Variants in SASH1 observed in about 807,000 individuals in gnomAD.
SASH1 encodes SAM and SH3 domain containing 1.
In SASH1, 44 loss-of-function variants were observed where a neutral mutation model predicts 125.2. That is an observed-to-expected ratio of 0.35 (90% CI 0.28 to 0.45). The LOEUF (loss-of-function observed/expected upper bound fraction) is 0.45, where lower values mean the gene tolerates loss of function less well. Among genes scored for constraint, SASH1 ranks in the 20% least tolerant of loss-of-function variants. The pLI is 1.00. For synonymous variants in SASH1, 639 were observed against 649.1 expected, an observed-to-expected ratio of 0.98 and a Z score of 0.24; for missense variants, 1,426 against 1,614.5, an observed-to-expected ratio of 0.88 and a Z score of 2.00.
In SASH1 at chr6:148,471,665, G is replaced by A. The variant is rs185195171; in HGVS notation, c.514+162G>A. ...ATTTCTGTTATTACTTTAAGACTTT[G>A]TTCCAGTGATTTTCTTTTGTTTTAA... On this transcript the variant is annotated intron_variant, in intron 6 of 19. Transcript: ENST00000367467. Among the ~76,000 whole-genome samples, 325 of 152,164 alleles carry A rather than the reference G, an allele frequency of 2.1e-3. 3 individuals are homozygous for A. The highest frequency in any genetic ancestry group is 7.0e-3 in the African/African-American group (290 of 41,528).
chr6:148,421,177 G>GAAAGAAAA (rs1562396572), intron 2 of SASH1, among the ~76,000 whole-genome samples: 109 of 144,120 alleles, frequency 7.6e-4, no homozygotes, highest in African/African-American at 2.6e-3. Context: ...AAGAAAGAAA[G>GAAAGAAAA]AAAGAAAGAA....
At chr6:148,246,294 T>C in the SASH1 span, among the ~76,000 whole-genome samples, 1 of 152,248 alleles carries the variant, frequency 6.6e-6, no homozygotes, top group Non-Finnish European at 1.5e-5. Context: ...CCTCTGGCAA[T>C]TCTTTTTAAA....
At chr6:148,306,248 C>T (rs1396801941) in intron 1 of SASH1, among the ~76,000 whole-genome samples, 1 of 152,136 alleles carries the variant, frequency 6.6e-6, no homozygotes, top group Non-Finnish European at 1.5e-5. Flanking sequence ...CTGCCATTGA[C>T]CCAACCCAAA....
intron 1 of SASH1, among the ~76,000 whole-genome samples, chr6:148,317,645 T>C (rs1228414520): frequency 6.6e-6 from 1 of 152,172 alleles, no homozygotes; most frequent in East Asian, 1.9e-4. Flanking sequence ...CAGGATGGTC[T>C]CAATCTCCTG....
At chr6:148,204,866 CATA>C in the SASH1 span, among the ~76,000 whole-genome samples, 2 of 151,926 alleles carry the variant, frequency 1.3e-5, no homozygotes. Context: ...TTGGTTGAAT[CATA>C]ATAATACCTT....
At chr6:148,508,347 TC>T (rs969803856) in intron 8 of SASH1, 28 of 360,636 alleles carry the variant, frequency 7.8e-5, no homozygotes, top group African/African-American at 5.3e-4. Context: ...GAAAAAGAGA[TC>T]TTTTTTTAAG....
intron 4 of SASH1, among the ~76,000 whole-genome samples, chr6:148,459,499 G>A (rs1777517947): frequency 6.6e-6 from 1 of 152,204 alleles, no homozygotes; most frequent in Non-Finnish European, 1.5e-5. Flanking sequence ...TCACCAGTTG[G>A]TGAATGAAAG....
chr6:148,518,829 A>G (rs1780624442), intron 9 of SASH1, among the ~76,000 whole-genome samples: 1 of 152,186 alleles, frequency 6.6e-6, no homozygotes, highest in South Asian at 2.1e-4. Context: ...GAGGGCTTCA[A>G]GAGCTGGAAT....
chr6:148,481,828 A>C (rs1778631435), intron 7 of SASH1, among the ~76,000 whole-genome samples: 1 of 152,210 alleles, frequency 6.6e-6, no homozygotes, highest in African/African-American at 2.4e-5. Context: ...AGGAATTGCC[A>C]AAATGTGACA....
intron 4 of SASH1, among the ~76,000 whole-genome samples, chr6:148,456,509 A>G (rs1316511163): frequency 1.3e-5 from 2 of 152,346 alleles, no homozygotes; most frequent in East Asian, 3.9e-4. Flanking sequence ...AAATTTTAAT[A>G]AAGGAAATAG....
Position 148,514,361 on chromosome 6 carries a change from T to C in SASH1, c.767T>C (p.Val256Ala). ...TCGGATGATGAGACTGAGGAGTCGGTGAAGTTTAAGAGGTTACACAAGCTG... is the reference window on the plus strand; with the variant it reads ...TCGGATGATGAGACTGAGGAGTCGGCGAAGTTTAAGAGGTTACACAAGCTG... Reference protein sequence around the residue: ...EQSDDETEESVKFKRLHKLVN... With the variant: ...EQSDDETEESAKFKRLHKLVN... The change falls in exon 9 of 20, where the codon GTG becomes GCG. Residue 256 changes from valine (V) to alanine (A), a missense_variant. This residue lies in a region of SASH1 where 567 missense variants were observed against 575.6 expected (regional missense o/e 0.99). Transcript: ENST00000367467. 6.2e-7 allele frequency: 1 copy of C among 1,608,556 alleles called. No homozygotes were observed. The highest frequency in any genetic ancestry group is 2.2e-5 in the East Asian group (1 of 44,640).
chr6:148,449,074 A>ATTTTTTTTTTTTTTTTTTTT (rs1562419990), intron 4 of SASH1, among the ~76,000 whole-genome samples: 1 of 32,742 alleles, frequency 3.1e-5, no homozygotes, highest in Non-Finnish European at 6.4e-5. Context: ...ATTTCATTTC[A>ATTTTTTTTTTTTTTTTTTTT]TTTCTTTTTT....
the SASH1 span, among the ~76,000 whole-genome samples, chr6:148,227,443 C>T: frequency 6.6e-6 from 1 of 152,102 alleles, no homozygotes. Flanking sequence ...CTGCAACCTC[C>T]GCCTCCCGAG....
intron 4 of SASH1, among the ~76,000 whole-genome samples, chr6:148,446,218 C>T (rs925723264): frequency 6.6e-6 from 1 of 150,582 alleles, no homozygotes; most frequent in Non-Finnish European, 1.5e-5. Flanking sequence ...ACGCCATTCT[C>T]CTGCCTCAGC....
chr6:148,240,522 C>A, the SASH1 span, among the ~76,000 whole-genome samples: 3 of 152,122 alleles, frequency 2.0e-5, no homozygotes, highest in East Asian at 1.9e-4. Flanking sequence ...AGTGATGGAA[C>A]CCAGAATCTT....
chr6:148,508,400 G>A (rs1779926125), intron 8 of SASH1: 1 of 875,758 alleles, frequency 1.1e-6, no homozygotes, highest in Admixed American at 5.5e-5. Flanking sequence ...TCCTTGTCCT[G>A]GATTTGCTCA....
chr6:148,546,965 T>A (rs1339951428), intron 19 of SASH1, among the ~76,000 whole-genome samples: 2 of 152,094 alleles, frequency 1.3e-5, no homozygotes, highest in African/African-American at 4.8e-5. Context: ...TCCAAGTGGA[T>A]CTCTTGAAAG....
intron 7 of SASH1, among the ~76,000 whole-genome samples, chr6:148,485,967 C>T (rs546343469): frequency 1.6e-3 from 144 of 88,788 alleles, no homozygotes; most frequent in African/African-American, 4.2e-3. Flanking sequence ...TGTTTTGAAC[C>T]CCAGAGCTCA....
chr6:148,385,391 G>C (rs1394697406), intron 1 of SASH1, among the ~76,000 whole-genome samples: 10 of 152,206 alleles, frequency 6.6e-5, no homozygotes, highest in Non-Finnish European at 1.5e-4. Flanking sequence ...GAGTTGGCTT[G>C]TTGTTGGTTT....
Sources: gnomAD v4.1 joint callset for allele counts (sites outside exome capture counted in the v4.1 genomes callset) on GRCh38, gnomAD v4.1.1 for gene constraint, gnomAD v4.1.1 regional missense constraint, MANE v1.5 for transcripts, NCBI Gene and HGNC (gene_info 2026-07-23, HGNC 2026-07-21) for gene names.